The following TBCD variants were observed in gnomAD, a reference collection of about 807,000 sequenced individuals.
TBCD encodes tubulin folding cofactor D.
In TBCD, 105 loss-of-function variants were observed where a neutral mutation model predicts 169.3. The observed-to-expected ratio is 0.62, with a 90% CI of 0.53 to 0.73. The LOEUF (loss-of-function observed/expected upper bound fraction) is 0.73, where lower values mean the gene tolerates loss of function less well. TBCD is among the 30% of genes least tolerant of loss of function. The pLI, the probability that TBCD is intolerant of heterozygous loss-of-function variation, is 0.00. For missense variants in TBCD, 1,444 were observed against 1,600.1 expected, an observed-to-expected ratio of 0.90 and a Z score of 1.66; for synonymous variants, 700 against 643.9, an observed-to-expected ratio of 1.09 and a Z score of -1.32.
At chr17:82,758,400 A>AAAAAAATAAAT (rs1035939621) in intron 2 of TBCD, among the ~76,000 whole-genome samples, 23 of 100,048 alleles carry the variant, frequency 2.3e-4, no homozygotes, top group African/African-American at 5.8e-4. Context: ...AAAAAAAAAA[A>AAAAAAATAAAT]AAATAAATAA....
intron 7 of TBCD, among the ~76,000 whole-genome samples, chr17:82,787,389 G>A (rs997791183): frequency 2.6e-5 from 4 of 152,264 alleles, no homozygotes; most frequent in Admixed American, 6.5e-5. Flanking sequence ...GGGCCAGCAC[G>A]TCCCTTCCAG....
chr17:82,872,260 G>A lies in TBCD; in HGVS notation c.1475+1880G>A, dbSNP rs1238900521. Among the ~76,000 whole-genome samples, 3 of 152,348 alleles carry A rather than the reference G, an allele frequency of 2.0e-5. No homozygotes were observed. In the East Asian group the frequency reaches 5.8e-4, roughly 29 times the overall value. On this transcript the variant is annotated intron_variant, in intron 14 of 38. Transcript: ENST00000355528. ...CGGAGGAGAACAGCGCGGCTGGAGG[G>A]TGCTGGTGCTGGCCAACGTGTTATG...
At chr17:82,933,594 G>C (rs765220767) in intron 34 of TBCD, among the ~76,000 whole-genome samples, 1 of 150,220 alleles carries the variant, frequency 6.7e-6, no homozygotes, top group African/African-American at 2.4e-5. Flanking sequence ...CGGAGACAGC[G>C]TGGTCTGTTT....
chr17:82,891,902 C>T (rs945605004), intron 16 of TBCD, among the ~76,000 whole-genome samples: 1 of 152,140 alleles, frequency 6.6e-6, no homozygotes, highest in African/African-American at 2.4e-5. Flanking sequence ...GTGACTAACC[C>T]ATGGGCAGCT....
chr17:82,858,035 C>T (rs1339891543), intron 13 of TBCD, among the ~76,000 whole-genome samples: 1 of 152,080 alleles, frequency 6.6e-6, no homozygotes, highest in Non-Finnish European at 1.5e-5. Context: ...GCTTCAGCCT[C>T]CCAAGTAGCT....
At chr17:82,876,679 CTG>C (rs762130509) in intron 14 of TBCD, among the ~76,000 whole-genome samples, 8 of 152,314 alleles carry the variant, frequency 5.3e-5, no homozygotes, top group Middle Eastern at 3.4e-3. Flanking sequence ...ACTTGGGAGT[CTG>C]TGTTTAGTTA....
Position 82,835,979 on chromosome 17 carries a change from G to A in TBCD, c.1318+21045G>A, listed in dbSNP as rs752946131. On this transcript the variant is annotated intron_variant, in intron 13 of 38. Transcript: ENST00000355528. This position sits in a 1 kb window ranked among gnomAD's most constrained non-coding sequence, Gnocchi z 4.5. ...GGGTGACACCCTGGGCTCAGACCCC[G>A]CGCTCAGCACCCGTCTCCCACCGTG... Among the ~76,000 whole-genome samples, 12 of 152,226 alleles carry A rather than the reference G, an allele frequency of 7.9e-5. No homozygotes were observed. Among genetic ancestry groups the A allele is most frequent in the African/African-American group, 2.4e-4 (10 of 41,546 alleles).
At position 82,809,798 on chromosome 17, in the gene TBCD, A is replaced by AG; in HGVS notation, c.1223+20dup. On this transcript the variant is annotated intron_variant, in intron 12 of 38. Transcript: ENST00000355528. The stretch of plus-strand genomic sequence containing the variant: ...ACTGCTTCAGGTATGTGAGAAGAGC[A>AG]GGGGAGGCGTGTGGGCCTGACCCTG... 6.2e-7 allele frequency: 1 copy of AG among 1,612,334 alleles called. No individual in the cohort carries two copies. Among genetic ancestry groups the AG allele is most frequent in the Non-Finnish European group, 8.5e-7 (1 of 1,179,058 alleles).
chr17:82,882,705 C>A (rs1475431360), intron 14 of TBCD, among the ~76,000 whole-genome samples: 2 of 151,852 alleles, frequency 1.3e-5, no homozygotes, highest in Non-Finnish European at 2.9e-5. Flanking sequence ...GGGCCTGGGT[C>A]TGGGGCAACA....
In TBCD at chr17:82,884,559, C is replaced by T. The variant is rs899272652; in HGVS notation, c.1533+357C>T. The stretch of plus-strand genomic sequence containing the variant: ...TGCGAGGGTGGCCAGAATGTGGCGG[C>T]GGGACGGGTCACTCACCGGGTGGCT... On this transcript the variant is annotated intron_variant, in intron 15 of 38. Coordinates refer to ENST00000355528, the MANE Select transcript of TBCD (RefSeq NM_005993.5). The surrounding 1 kb of genome is among the most constrained non-coding windows in gnomAD (Gnocchi z 4.2). Among the ~76,000 whole-genome samples the T allele has an allele frequency of 3.9e-5, 6 of 152,076 alleles. No individual in the cohort carries two copies. The highest frequency in any genetic ancestry group is 7.4e-5 in the Non-Finnish European group (5 of 68,018).
At chr17:82,830,003 GTT>G in intron 13 of TBCD, 6 of 1,328,042 alleles carry the variant, frequency 4.5e-6, no homozygotes, top group Admixed American at 2.2e-5. Flanking sequence ...TTTTTTGTTT[GTT>G]TGTTTGTTTG....
At chr17:82,886,133 C>T (rs1224025161) in intron 15 of TBCD, 1 of 152,292 alleles carries the variant, frequency 6.6e-6, no homozygotes, top group Non-Finnish European at 1.5e-5. Context: ...CCCCTGAACT[C>T]TAGACGCCCT....
At chr17:82,908,920 C>A (rs1174265061) in intron 21 of TBCD, among the ~76,000 whole-genome samples, 1 of 152,190 alleles carries the variant, frequency 6.6e-6, no homozygotes, top group East Asian at 1.9e-4. Context: ...AGCTCTCTTA[C>A]AAAAAAAGAA....
At chr17:82,887,168 T>TGTGCGCGCGC in intron 15 of TBCD, among the ~76,000 whole-genome samples, 44 of 126,184 alleles carry the variant, frequency 3.5e-4, no homozygotes, top group South Asian at 1.2e-3. Flanking sequence ...TGTGTGTGTG[T>TGTGCGCGCGC]GCGCGCGCGC....
chr17:82,941,023 A>G (rs745914863), intron 37 of TBCD, among the ~76,000 whole-genome samples: 3 of 152,252 alleles, frequency 2.0e-5, no homozygotes, highest in Non-Finnish European at 4.4e-5. Context: ...CATGCCCCAG[A>G]TATCTCCACA....
chr17:82,794,346 A>G (rs996673661), intron 7 of TBCD, among the ~76,000 whole-genome samples: 1 of 151,340 alleles, frequency 6.6e-6, no homozygotes, highest in Non-Finnish European at 1.5e-5. Flanking sequence ...TTGCTGAGAA[A>G]CTCCTTTTGT....
rs1240852511 is a variant in TBCD, at chr17:82,920,809, C to G, written c.2101+191C>G. 3.3e-5 allele frequency among the ~76,000 whole-genome samples: 5 copies of G among 152,196 alleles called. No individual in the cohort carries two copies. The highest frequency in any genetic ancestry group is 5.9e-5 in the Non-Finnish European group (4 of 68,028). ...AATGGGTACCCACCGCCCTCTCCCCCCAACACAGGAGGGCCCTTCCCCGCC... is the reference window on the plus strand; with the variant it reads ...AATGGGTACCCACCGCCCTCTCCCCGCAACACAGGAGGGCCCTTCCCCGCC... On this transcript the variant is annotated intron_variant, in intron 24 of 38. Transcript: ENST00000355528. The surrounding 1 kb of genome is among the most constrained non-coding windows in gnomAD (Gnocchi z 4.1).
chr17:82,913,826 G>C (rs1033150974), intron 23 of TBCD: 1 of 152,318 alleles, frequency 6.6e-6, no homozygotes, highest in African/African-American at 2.4e-5. Context: ...CCGTTGGCCT[G>C]TGCATTGCTG....
At chr17:82,886,554 C>A (rs969626582) in intron 15 of TBCD, among the ~76,000 whole-genome samples, 76 of 148,790 alleles carry the variant, frequency 5.1e-4, no homozygotes, top group African/African-American at 1.7e-3. Flanking sequence ...TCTTTTTCTT[C>A]CAGCATTTCG....
Sources: gnomAD v4.1 joint callset for allele counts (sites outside exome capture counted in the v4.1 genomes callset) on GRCh38, gnomAD v4.1.1 for gene constraint, Gnocchi (gnomAD v3.1) non-coding constraint, MANE v1.5 for transcripts, NCBI Gene and HGNC (gene_info 2026-07-23, HGNC 2026-07-21) for gene names.